Variants in ARL2 observed in about 807,000 individuals in gnomAD.
The protein encoded by ARL2 is ARF like GTPase 2.
Under a neutral mutation model 22.0 loss-of-function variants are expected in ARL2, and 11 were observed. That is an observed-to-expected ratio of 0.50 (90% CI 0.31 to 0.83). The LOEUF (loss-of-function observed/expected upper bound fraction) is 0.83, where lower values mean the gene tolerates loss of function less well. Among genes scored for constraint, ARL2 ranks in the 40% least tolerant of loss-of-function variants. ARL2 has a pLI of 0.04. For synonymous variants in ARL2, 111 were observed against 100.8 expected (o/e 1.10, Z -0.61); for missense variants, 216 against 243.2 (o/e 0.89, Z 0.74).
chr11:65,017,548 G>A (rs1417436529), intron 1 of ARL2, among the ~76,000 whole-genome samples: 1 of 152,174 alleles, frequency 6.6e-6, no homozygotes, highest in African/African-American at 2.4e-5. Flanking sequence ...CAGCCAGTGG[G>A]AATGATCAAG....
intron 4 of ARL2, among the ~76,000 whole-genome samples, chr11:65,021,359 T>G (rs1271701572): frequency 6.6e-6 from 1 of 152,226 alleles, no homozygotes; most frequent in East Asian, 1.9e-4. Context: ...CTCTCTGAAC[T>G]TTGGTTTCCT....
At chr11:65,019,831 TCCTGGGCACACC>T (rs1946306074) in intron 3 of ARL2, among the ~76,000 whole-genome samples, 1 of 152,188 alleles carries the variant, frequency 6.6e-6, no homozygotes, top group Non-Finnish European at 1.5e-5. Flanking sequence ...GTGGGGACTG[TCCTGGGCACACC>T]GCACACATCT....
Position 65,018,374 on chromosome 11 carries a change from A to C in ARL2, c.76A>C (p.Asn26His). ...CCTGCTGCGCCCCAGTGGCCTGGACAATGCTGGAAAGACAACCATCCTGAA... is the reference window on the plus strand; with the variant it reads ...CCTGCTGCGCCCCAGTGGCCTGGACCATGCTGGAAAGACAACCATCCTGAA... ...ELRLLMLGLDNAGKTTILKKF... is the reference protein window; with the variant it reads ...ELRLLMLGLDHAGKTTILKKF... Residue 26 changes from asparagine (N) to histidine (H), a missense_variant, in exon 2 of 5, where the codon AAT becomes CAT. By Grantham distance (68) the Asn-to-His change is moderately conservative (BLOSUM62 1). Coordinates refer to ENST00000246747, the MANE Select transcript of ARL2 (RefSeq NM_001667.4). This position sits in a 1 kb window ranked among gnomAD's most constrained non-coding sequence, Gnocchi z 4.2. The C allele has an allele frequency of 6.2e-7, 1 of 1,603,712 alleles. No individual in the cohort carries two copies. The highest frequency in any genetic ancestry group is 8.5e-7 in the Non-Finnish European group (1 of 1,175,830).
At chr11:65,019,124 C>T (rs967325398) in intron 3 of ARL2, 4 of 388,036 alleles carry the variant, frequency 1.0e-5, no homozygotes, top group Admixed American at 7.5e-5. Flanking sequence ...ATAGTCCTAG[C>T]TACTCTGGAG....
At chr11:65,014,359 G>A in intron 1 of ARL2, 87 bp downstream of exon 1, 1 of 1,188,106 alleles carries the variant, frequency 8.4e-7, no homozygotes. Flanking sequence ...AGCGGAACGC[G>A]GCGGCCGGCG....
At chr11:65,021,579 C>T (rs1252840101) in intron 4 of ARL2, 142 bp from the exon 5 acceptor site, 18 of 1,093,668 alleles carry the variant, frequency 1.6e-5, no homozygotes, top group South Asian at 5.0e-5. Flanking sequence ...TCCCTGGGAC[C>T]GGCGGGGCTT....
At chr11:65,017,572 A>G (rs1299618349) in intron 1 of ARL2, among the ~76,000 whole-genome samples, 1 of 152,142 alleles carries the variant, frequency 6.6e-6, no homozygotes. Context: ...GGAAGGAAAC[A>G]TGGATGATGG....
intron 1 of ARL2, 56 bp downstream of exon 1, chr11:65,014,328 T>C: frequency 6.9e-7 from 1 of 1,453,448 alleles, no homozygotes; most frequent in Non-Finnish European, 9.2e-7. Flanking sequence ...GGGCAGGCGG[T>C]GCCGGGCGCC....
intron 3 of ARL2, among the ~76,000 whole-genome samples, chr11:65,019,918 G>A (rs1946307167): frequency 6.6e-6 from 1 of 152,166 alleles, no homozygotes. Flanking sequence ...GCAGGTCAAG[G>A]CCCAAGGGTT....
Position 65,021,968 on chromosome 11 carries a change from C to G in ARL2, c.*113C>G, listed in dbSNP as rs2271540. The G allele has an allele frequency of 4.2e-6, 6 of 1,427,064 alleles. No individual in the cohort carries two copies. The African/African-American group carries it at 8.4e-5, about 20-fold the overall frequency. 88.4% of individuals were successfully genotyped at this position (1,427,064 alleles called of 1,614,324 possible). ...AACTAACACTCCCCCTCCTCCACCC[C>G]AGCCTGCTGCTGCTACTGCTGCCCG... On this transcript the variant is annotated 3_prime_UTR_variant, in exon 5 of 5. Coordinates refer to ENST00000246747, the MANE Select transcript of ARL2 (RefSeq NM_001667.4).
Position 65,018,512 on chromosome 11 carries a change from G to A in ARL2, c.176+38G>A. 6.2e-7 allele frequency: 1 copy of A among 1,602,236 alleles called. No homozygotes were observed. Among genetic ancestry groups the A allele is most frequent in the East Asian group, 2.2e-5 (1 of 44,470 alleles). On this transcript the variant is annotated intron_variant, in intron 2 of 4. Transcript: ENST00000246747. The surrounding 1 kb of genome is among the most constrained non-coding windows in gnomAD (Gnocchi z 4.2). ...CCCATGGGAGGGCCAGCCCAGAGCA[G>A]GGCAGGGAAGGTGGGAGAGGGGCCC...
intron 1 of ARL2, among the ~76,000 whole-genome samples, chr11:65,017,154 T>C (rs1196712774): frequency 6.6e-6 from 1 of 151,278 alleles, no homozygotes; most frequent in Non-Finnish European, 1.5e-5. Context: ...AAGATATAAA[T>C]GAATAACTAG....
In ARL2 at chr11:65,021,775, G is replaced by A. The variant is rs758628032; in HGVS notation, c.475G>A (p.Ala159Thr). The change falls in exon 5 of 5, where the codon GCC becomes ACC. Residue 159 changes from alanine (A) to threonine (T), a missense_variant. Ala to Thr is a moderately conservative substitution (Grantham distance 58, BLOSUM62 0). Transcript: ENST00000246747. ...CCACTGGTGCATCCAGGGCTGCAGC[G>A]CCGTCACCGGGGAGAACCTGCTGCC... is the stretch of plus-strand genomic sequence containing the variant. Reference protein sequence around the residue: ...SHHWCIQGCSAVTGENLLPGI... With the variant: ...SHHWCIQGCSTVTGENLLPGI... The A allele has an allele frequency of 7.4e-6, 12 of 1,612,758 alleles. No homozygotes were observed. The highest frequency in any genetic ancestry group is 2.2e-5 in the East Asian group (1 of 44,888).
At chr11:65,017,292 T>C (rs1590729830) in intron 1 of ARL2, among the ~76,000 whole-genome samples, 2 of 150,094 alleles carry the variant, frequency 1.3e-5, no homozygotes, top group African/African-American at 4.9e-5. Context: ...GCCTGCCGGG[T>C]TCAAGCAATT....
chr11:65,019,127 C>T (rs1367612990), intron 3 of ARL2: 1 of 377,004 alleles, frequency 2.7e-6, no homozygotes, highest in Non-Finnish European at 5.0e-6. Flanking sequence ...GTCCTAGCTA[C>T]TCTGGAGGCT....
chr11:65,014,396 C>G lies in ARL2; in HGVS notation c.65+124C>G. ...GTCCCAACTGCCCCTGGCGTCACCA[C>G]GCGGGCCCCATCAATCGCCCCGTCG... is the stretch of plus-strand genomic sequence containing the variant. On this transcript the variant is annotated intron_variant, in intron 1 of 4. Transcript: ENST00000246747. 5.3e-6 allele frequency: 4 copies of G among 755,442 alleles called. No individual in the cohort carries two copies. In the South Asian group the frequency reaches 6.3e-5, roughly 12 times the overall value. 46.8% of individuals were successfully genotyped at this position (755,442 alleles called of 1,614,324 possible). A position where few individuals can be genotyped will look rare whatever the true frequency, so the allele number is the denominator to read the frequency against.
intron 1 of ARL2, among the ~76,000 whole-genome samples, chr11:65,015,220 T>G (rs776476311): frequency 6.6e-6 from 1 of 151,892 alleles, no homozygotes; most frequent in Non-Finnish European, 1.5e-5. Flanking sequence ...TTCAAGCAAT[T>G]CTCCTGCCTC....
intron 1 of ARL2, among the ~76,000 whole-genome samples, chr11:65,015,593 G>A (rs995706309): frequency 1.3e-5 from 2 of 152,020 alleles, no homozygotes; most frequent in South Asian, 2.1e-4. Flanking sequence ...GGTTGCCCGC[G>A]GGTAGAAAGA....
chr11:65,020,468 C>G lies in ARL2; in HGVS notation c.389C>G (p.Pro130Arg). ...ATCTTTGCTAATAAGCAGGACCTGC[C>G]TGGAGCACTGTCCTCTAACGCCATC... ...LLIFANKQDL[P>R]GALSSNAIRE... The change falls in exon 4 of 5, where the codon CCT (proline) becomes CGT (arginine). Residue 130 changes from proline (P) to arginine (R), a missense_variant. Coordinates refer to ENST00000246747, the MANE Select transcript of ARL2 (RefSeq NM_001667.4). 1 of 1,612,846 alleles carries G rather than the reference C, an allele frequency of 6.2e-7. No individual in the cohort carries two copies. The highest frequency in any genetic ancestry group is 8.5e-7 in the Non-Finnish European group (1 of 1,179,508).
Sources: allele counts gnomAD v4.1 joint callset (sites outside exome capture counted in the v4.1 genomes callset), GRCh38; gene constraint gnomAD v4.1.1; non-coding constraint Gnocchi (gnomAD v3.1); transcripts MANE v1.5; gene names NCBI Gene and HGNC (gene_info 2026-07-23, HGNC 2026-07-21).